The following ADCK1 variants were observed in gnomAD, a reference collection of about 807,000 sequenced individuals.
ADCK1 encodes aarF domain-containing protein kinase 1.
Under a neutral mutation model 52.3 loss-of-function variants are expected in ADCK1, and 41 were observed. The observed-to-expected ratio is 0.78, with a 90% CI of 0.61 to 1.02. The LOEUF (loss-of-function observed/expected upper bound fraction) is 1.02, where lower values mean the gene tolerates loss of function less well. ADCK1 is among the 50% of genes least tolerant of loss of function. ADCK1 has a pLI of 0.00. For missense variants in ADCK1, 658 were observed against 679.5 expected, an observed-to-expected ratio of 0.97 and a Z score of 0.35; for synonymous variants, 250 against 274.6, an observed-to-expected ratio of 0.91 and a Z score of 0.89.
intron 3 of ADCK1, among the ~76,000 whole-genome samples, chr14:77,856,482 T>A (rs2082419215): frequency 6.6e-6 from 1 of 152,162 alleles, no homozygotes; most frequent in Non-Finnish European, 1.5e-5. Context: ...TTGGAGATAT[T>A]GCCCAGTTCT....
intron 1 of ADCK1, among the ~76,000 whole-genome samples, chr14:77,818,227 C>G (rs933904506): frequency 6.6e-6 from 1 of 152,084 alleles, no homozygotes; most frequent in Non-Finnish European, 1.5e-5. Flanking sequence ...AATGGTTAAC[C>G]TGCTCTTCTG....
Position 77,900,653 on chromosome 14 carries a change from A to C in ADCK1, c.741+1395A>C, listed in dbSNP as rs570163662. On this transcript the variant is annotated intron_variant, in intron 6 of 10. Transcript: ENST00000238561. ...TTGTAAGGCCAGATGTGGGTGACTC[A>C]CCGACTCGCAGCGATGTCGAGGTGT... is the stretch of plus-strand genomic sequence containing the variant. The C allele has an allele frequency of 6.8e-5, 31 of 453,244 alleles. No individual in the cohort carries two copies. In the East Asian group the frequency reaches 2.2e-3, roughly 32 times the overall value. The allele number at this position is 453,244 out of a possible 1,614,324, so 28.1% of individuals were successfully genotyped here.
At chr14:77,882,956 A>T (rs116616141) in intron 4 of ADCK1, among the ~76,000 whole-genome samples, 1 of 98,332 alleles carries the variant, frequency 1.0e-5, no homozygotes. Flanking sequence ...TTCTTACACC[A>T]CCCCCCCCCC....
intron 1 of ADCK1, among the ~76,000 whole-genome samples, chr14:77,801,233 G>A (rs987293972): frequency 5.9e-5 from 9 of 152,268 alleles, no homozygotes; most frequent in Middle Eastern, 3.4e-3. Context: ...AAGAATTGGC[G>A]TTTCTAACAT....
intron 4 of ADCK1, among the ~76,000 whole-genome samples, chr14:77,881,743 TC>T (rs1451084720): frequency 6.6e-6 from 1 of 152,154 alleles, no homozygotes; most frequent in Non-Finnish European, 1.5e-5. Flanking sequence ...TCCTCTTGCT[TC>T]AGCCTTCCAA....
At chr14:77,805,074 C>T (rs145963895) in intron 1 of ADCK1, among the ~76,000 whole-genome samples, 4,435 of 151,482 alleles carry the variant, frequency 0.029, 209 homozygotes, top group African/African-American at 0.099. Flanking sequence ...GACGTGGTGG[C>T]GCATGCCTGC....
chr14:77,931,490 T>C (rs987716239), intron 9 of ADCK1, 28 bp from the exon 10 acceptor site: 3 of 1,603,572 alleles, frequency 1.9e-6, no homozygotes, highest in Non-Finnish European at 8.5e-7. Context: ...ACCAACCATC[T>C]GTTTCTGTTG....
intron 3 of ADCK1, among the ~76,000 whole-genome samples, chr14:77,830,911 A>G (rs1253774995): frequency 6.6e-6 from 1 of 152,154 alleles, no homozygotes; most frequent in Non-Finnish European, 1.5e-5. Flanking sequence ...TATAGCGCCT[A>G]ATATTTGGAC....
At chr14:77,929,613 C>G (rs2140303237) in intron 9 of ADCK1, among the ~76,000 whole-genome samples, 1 of 152,286 alleles carries the variant, frequency 6.6e-6, no homozygotes, top group Admixed American at 6.5e-5. Flanking sequence ...CCTGCTGGGG[C>G]CAGGGAGGGG....
At chr14:77,828,827 A>ACCTTTTCT (rs1555348750) in intron 3 of ADCK1, among the ~76,000 whole-genome samples, 3 of 151,624 alleles carry the variant, frequency 2.0e-5, no homozygotes, top group Non-Finnish European at 3.0e-5. Flanking sequence ...GCGCCCAGCC[A>ACCTTTTCT]TTTAATTATT....
Position 77,891,190 on chromosome 14 carries a change from G to C in ADCK1, c.582+3941G>C, listed in dbSNP as rs1172928264. On this transcript the variant is annotated intron_variant, in intron 5 of 10. Transcript: ENST00000238561. ...TAGAAGGTAGCATTGGAGACTCGAG[G>C]TGGGTGAAGGTTTGGAACAGCTACT... Among the ~76,000 whole-genome samples, 3 of 152,210 alleles carry C rather than the reference G, an allele frequency of 2.0e-5. No homozygotes were observed. In the East Asian group the frequency reaches 5.8e-4, roughly 29 times the overall value.
chr14:77,890,263 A>G (rs2083256225), intron 5 of ADCK1, among the ~76,000 whole-genome samples: 1 of 152,056 alleles, frequency 6.6e-6, no homozygotes, highest in African/African-American at 2.4e-5. Context: ...CCTGGCTGGC[A>G]AGTTGGTGCT....
intron 8 of ADCK1, among the ~76,000 whole-genome samples, 168 bp from the exon 9 acceptor site, chr14:77,925,596 G>A (rs551456731): frequency 3.9e-5 from 6 of 152,198 alleles, no homozygotes; most frequent in East Asian, 1.9e-4. Context: ...CCAAAGAGTC[G>A]CTTTGAACTT....
chr14:77,870,770 A>G (rs962177351), intron 4 of ADCK1, among the ~76,000 whole-genome samples: 1 of 152,198 alleles, frequency 6.6e-6, no homozygotes, highest in African/African-American at 2.4e-5. Flanking sequence ...AGTTGGCCCC[A>G]TGCCTTCTAG....
chr14:77,812,737 G>C (rs1329700782), intron 1 of ADCK1, among the ~76,000 whole-genome samples: 3 of 152,004 alleles, frequency 2.0e-5, no homozygotes, highest in Non-Finnish European at 4.4e-5. Context: ...TTACAGGAGT[G>C]AGCCACCATG....
chr14:77,865,098 A>G (rs1477468644), intron 4 of ADCK1, among the ~76,000 whole-genome samples: 1 of 152,042 alleles, frequency 6.6e-6, no homozygotes, highest in Non-Finnish European at 1.5e-5. Context: ...CCTGGGCAAT[A>G]TAGGGAGACC....
At chr14:77,818,359 G>A (rs150600088) in intron 1 of ADCK1, among the ~76,000 whole-genome samples, 6 of 152,150 alleles carry the variant, frequency 3.9e-5, no homozygotes, top group Non-Finnish European at 5.9e-5. Context: ...TCAGCTCACT[G>A]CAGTCTCCTC....
At chr14:77,814,225 C>T (rs143414678) in intron 1 of ADCK1, among the ~76,000 whole-genome samples, 2 of 151,986 alleles carry the variant, frequency 1.3e-5, no homozygotes, top group African/African-American at 4.8e-5. Flanking sequence ...ACAACAGGTG[C>T]ATGCCACCAC....
rs1170630716 is a variant in ADCK1, at chr14:77,931,725, C to T, written c.1400+14C>T. On this transcript the variant is annotated intron_variant, in intron 10 of 10. Coordinates refer to ENST00000238561, the MANE Select transcript of ADCK1 (RefSeq NM_020421.4). ...AGCGCTAGCTGAGTGAGTGTGGGCT[C>T]CTCCCTCTCCTCCCCTCCTAGCCCC... 3.8e-6 allele frequency: 6 copies of T among 1,594,698 alleles called. No homozygotes were observed. The highest frequency in any genetic ancestry group is 4.3e-6 in the Non-Finnish European group (5 of 1,175,604).
Sources: gnomAD v4.1 joint callset for allele counts (sites outside exome capture counted in the v4.1 genomes callset) on GRCh38, gnomAD v4.1.1 for gene constraint, MANE v1.5 for transcripts, NCBI Gene and HGNC (gene_info 2026-07-23, HGNC 2026-07-21) for gene names.